MCTP2: variants seen among roughly 807,000 people sequenced by gnomAD.
The protein encoded by MCTP2 is multiple C2 and transmembrane domain-containing protein 2.
A neutral mutation model predicts 111.6 loss-of-function variants in MCTP2; 132 were observed. The observed-to-expected ratio is 1.18, with a 90% CI of 1.03 to 1.37. The LOEUF is 1.37. Ranked by LOEUF, MCTP2 falls within the 40% of genes most tolerant of loss-of-function variation. The pLI is 0.00. For synonymous variants in MCTP2, 395 were observed against 387.7 expected (o/e 1.02, Z -0.22); for missense variants, 1,183 against 1,067.9 (o/e 1.11, Z -1.50).
chr15:94,296,834 A>G (rs2075297205), intron 1 of MCTP2, among the ~76,000 whole-genome samples: 1 of 152,164 alleles, frequency 6.6e-6, no homozygotes, highest in African/African-American at 2.4e-5. Context: ...TAATCTTTAC[A>G]TTGTCTGCAG....
chr15:94,257,971 A>G (rs926903305), intron 1 of MCTP2, among the ~76,000 whole-genome samples: 4 of 149,666 alleles, frequency 2.7e-5, no homozygotes, highest in Non-Finnish European at 4.4e-5. Context: ...TGCAACCTCC[A>G]TCTCCTGAGT....
chr15:94,421,115 A>G (rs745424378), intron 17 of MCTP2, among the ~76,000 whole-genome samples: 11 of 150,180 alleles, frequency 7.3e-5, no homozygotes, highest in Non-Finnish European at 1.2e-4. Flanking sequence ...TTTTTTAGCA[A>G]TGAACTGTTT....
intron 17 of MCTP2, among the ~76,000 whole-genome samples, chr15:94,406,884 C>A (rs1407881421): frequency 2.8e-5 from 4 of 140,760 alleles, no homozygotes; most frequent in African/African-American, 1.1e-4. Flanking sequence ...TTTAAGTATT[C>A]CAAGTTGTTC....
At chr15:94,327,834 A>G (rs1228900938) in intron 4 of MCTP2, among the ~76,000 whole-genome samples, 1 of 152,150 alleles carries the variant, frequency 6.6e-6, no homozygotes, top group Non-Finnish European at 1.5e-5. Flanking sequence ...TTTCCTCTGA[A>G]GATTTTTGTT....
At chr15:94,385,837 A>G (rs759779166) in intron 14 of MCTP2, among the ~76,000 whole-genome samples, 36 of 152,214 alleles carry the variant, frequency 2.4e-4, no homozygotes, top group Admixed American at 7.9e-4. Context: ...ATATAGATGA[A>G]TGACTGATTT....
intron 4 of MCTP2, among the ~76,000 whole-genome samples, chr15:94,323,772 C>A (rs2076729456): frequency 6.6e-6 from 1 of 152,212 alleles, no homozygotes; most frequent in Admixed American, 6.5e-5. Flanking sequence ...TGGCCGCCAT[C>A]TTCCTGCATG....
intron 21 of MCTP2, 30 bp from the exon 22 acceptor site, chr15:94,476,666 A>G (rs374772543): frequency 1.8e-6 from 2 of 1,096,870 alleles, no homozygotes; most frequent in East Asian, 4.7e-5. Flanking sequence ...ACAGACAGAT[A>G]AAGAGATCTC....
intron 21 of MCTP2, among the ~76,000 whole-genome samples, chr15:94,473,093 A>G (rs1479779173): frequency 6.6e-6 from 1 of 152,120 alleles, no homozygotes; most frequent in Non-Finnish European, 1.5e-5. Flanking sequence ...GTAACTATAT[A>G]TACTAGATTT....
chr15:94,380,449 T>C (rs1418521953), intron 12 of MCTP2, among the ~76,000 whole-genome samples: 1 of 152,184 alleles, frequency 6.6e-6, no homozygotes, highest in Non-Finnish European at 1.5e-5. Flanking sequence ...CTAGGAACAT[T>C]TATTAAGCTA....
Position 94,298,753 on chromosome 15 carries a change from T to C in MCTP2, c.465+23T>C, listed in dbSNP as rs758377154. On this transcript the variant is annotated intron_variant, in intron 2 of 22. Transcript: ENST00000357742. ...GAGGTGAGAATAGGGCTGGGCTCTC[T>C]TTTTTTTTGTCTCTCTCTCTCTCTC... 5 of 1,356,532 alleles carry C rather than the reference T, an allele frequency of 3.7e-6. No homozygotes were observed. In the Admixed American group the frequency reaches 9.6e-5, roughly 26 times the overall value. The allele number at this position is 1,356,532 out of a possible 1,614,324, so 84.0% of individuals were successfully genotyped here. A position where few individuals can be genotyped will look rare whatever the true frequency, so the allele number is the denominator to read the frequency against.
chr15:94,373,918 A>G (rs2079616801), intron 12 of MCTP2, among the ~76,000 whole-genome samples: 1 of 152,208 alleles, frequency 6.6e-6, no homozygotes, highest in South Asian at 2.1e-4. Flanking sequence ...GATAAATTGT[A>G]CTTGGAGGCT....
At chr15:94,278,719 C>G (rs1320056972) in intron 1 of MCTP2, among the ~76,000 whole-genome samples, 4 of 151,160 alleles carry the variant, frequency 2.6e-5, no homozygotes, top group Non-Finnish European at 1.5e-5. Flanking sequence ...TTTGAAAATC[C>G]CTCTCTCCCT....
At chr15:94,330,898 C>G (rs969786798) in intron 4 of MCTP2, among the ~76,000 whole-genome samples, 1 of 151,240 alleles carries the variant, frequency 6.6e-6, no homozygotes, top group Non-Finnish European at 1.5e-5. Context: ...CCATGACTGG[C>G]TAATTTCTGT....
Position 94,473,947 on chromosome 15 carries a change from C to T in MCTP2, c.2471-2749C>T, listed in dbSNP as rs2074130705. On this transcript the variant is annotated intron_variant, in intron 21 of 22. Coordinates refer to ENST00000357742, the MANE Select transcript of MCTP2 (RefSeq NM_001385001.1). ...CAATTTTTCCATCTCTTCTGATTTTCTCCAAGTGATTTTTTTTTTTTAAAC... is the reference window on the plus strand; with the variant it reads ...CAATTTTTCCATCTCTTCTGATTTTTTCCAAGTGATTTTTTTTTTTTAAAC... 4.9e-5 allele frequency among the ~76,000 whole-genome samples: 5 copies of T among 101,334 alleles called. No homozygotes were observed. In the South Asian group the frequency reaches 1.7e-3, roughly 34 times the overall value. 66.5% of individuals were successfully genotyped at this position (101,334 alleles called of 152,430 possible).
At chr15:94,367,428 G>A (rs1225209996) in intron 10 of MCTP2, among the ~76,000 whole-genome samples, 177 bp from the exon 11 acceptor site, 1 of 152,108 alleles carries the variant, frequency 6.6e-6, no homozygotes, top group African/African-American at 2.4e-5. Context: ...TAATTTTAGA[G>A]TGTGTTAGGC....
chr15:94,380,417 G>A (rs917894688), intron 12 of MCTP2, among the ~76,000 whole-genome samples: 1 of 152,162 alleles, frequency 6.6e-6, no homozygotes. Context: ...GGTGGTCATT[G>A]TATTTCAGGG....
At chr15:94,262,953 G>C (rs984135626) in intron 1 of MCTP2, among the ~76,000 whole-genome samples, 3 of 152,184 alleles carry the variant, frequency 2.0e-5, no homozygotes, top group African/African-American at 4.8e-5. Flanking sequence ...TTACAGGTGT[G>C]TGCCACTGCA....
At position 94,370,044 on chromosome 15, in the gene MCTP2, A is replaced by G. The variant is rs373447884; in HGVS notation, c.1489-43A>G. ...AGGACTTTATGACATTAAGTAGTATATTAAAAAGCTGTTTTCACTTGTATC... is the reference window on the plus strand; with the variant it reads ...AGGACTTTATGACATTAAGTAGTATGTTAAAAAGCTGTTTTCACTTGTATC... On this transcript the variant is annotated intron_variant, in intron 11 of 22. Coordinates refer to ENST00000357742, the MANE Select transcript of MCTP2 (RefSeq NM_001385001.1). 5.7e-5 allele frequency: 80 copies of G among 1,396,390 alleles called. 4 individuals carry two copies. The highest frequency in any genetic ancestry group is 3.3e-4 in the Admixed American group (17 of 51,582). The allele number at this position is 1,396,390 out of a possible 1,614,324, so 86.5% of individuals were successfully genotyped here.
chr15:94,358,390 C>T (rs2078744621), intron 9 of MCTP2, 92 bp from the exon 10 acceptor site: 4 of 1,194,056 alleles, frequency 3.3e-6, no homozygotes, highest in Non-Finnish European at 3.6e-6. Context: ...TCATCTTGAC[C>T]CTCTGCAGTT....
Sources: allele counts gnomAD v4.1 joint callset (sites outside exome capture counted in the v4.1 genomes callset), GRCh38; gene constraint gnomAD v4.1.1; transcripts MANE v1.5; gene names NCBI Gene and HGNC (gene_info 2026-07-23, HGNC 2026-07-21).